GINS3: variants seen among roughly 807,000 people sequenced by gnomAD.
GINS3 encodes GINS complex subunit 3.
In GINS3, 18 loss-of-function variants were observed where a neutral mutation model predicts 20.0. The observed-to-expected ratio is 0.90, with a 90% CI of 0.62 to 1.33. The LOEUF is 1.33. GINS3 is among the 40% of genes most tolerant of loss of function. GINS3 has a pLI of 0.00. For synonymous variants in GINS3, 109 were observed against 107.0 expected (o/e 1.02, Z -0.12); for missense variants, 254 against 273.6 (o/e 0.93, Z 0.51).
At chr16:58,403,362 T>A in intron 2 of GINS3, 31 bp downstream of exon 2, 1 of 1,552,456 alleles carries the variant, frequency 6.4e-7, no homozygotes, top group Non-Finnish European at 8.9e-7. Flanking sequence ...CCTGTGGTGC[T>A]GCACTTGTCT....
intron 1 of GINS3, among the ~76,000 whole-genome samples, chr16:58,399,836 A>G (rs1259475759): frequency 6.6e-6 from 1 of 152,214 alleles, no homozygotes; most frequent in Non-Finnish European, 1.5e-5. Flanking sequence ...AAAGAATGTT[A>G]TATAAGTTAC....
At chr16:58,395,235 C>A in intron 1 of GINS3, 1 of 394,120 alleles carries the variant, frequency 2.5e-6, no homozygotes, top group South Asian at 1.3e-4. Context: ...GCCACCATGT[C>A]CAGCTAATTT....
chr16:58,403,240 A>G lies in GINS3; in HGVS notation c.329A>G (p.His110Arg). The change falls in exon 2 of 3, where the codon CAC becomes CGC. Residue 110 changes from histidine to arginine, a missense_variant. By Grantham distance (29) the His-to-Arg change is conservative. Coordinates refer to ENST00000318129, the MANE Select transcript of GINS3 (RefSeq NM_022770.4). ...FSADPNVVDL[H>R]KMGPHFYGFG... ...GCAGATCCCAATGTGGTGGACCTCC[A>G]CAAAATGGGGCCCCATTTCTACGGG... 6.2e-7 allele frequency: 1 copy of G among 1,614,130 alleles called. No individual in the cohort carries two copies. The highest frequency in any genetic ancestry group is 8.5e-7 in the Non-Finnish European group (1 of 1,180,022).
At chr16:58,399,648 A>T (rs1443124319) in intron 1 of GINS3, among the ~76,000 whole-genome samples, 1 of 151,726 alleles carries the variant, frequency 6.6e-6, no homozygotes, top group Non-Finnish European at 1.5e-5. Flanking sequence ...TTACCTTCTT[A>T]CTATTTTCTT....
At chr16:58,403,552 C>T (rs1965986608) in intron 2 of GINS3, 1 of 521,322 alleles carries the variant, frequency 1.9e-6, no homozygotes, top group Non-Finnish European at 3.4e-6. Flanking sequence ...TGCCACTCCT[C>T]ATATTTGCTT....
At chr16:58,394,207 G>A (rs1247101666) in intron 1 of GINS3, among the ~76,000 whole-genome samples, 2 of 151,882 alleles carry the variant, frequency 1.3e-5, no homozygotes. Flanking sequence ...TGTTTCCTTA[G>A]CCTTCTCTTG....
In GINS3 at chr16:58,403,198, G is replaced by C. The variant is rs1334583313; in HGVS notation, c.287G>C (p.Trp96Ser). ...VELPKIYQEGWRTVFSADPNV... is the reference protein window; with the variant it reads ...VELPKIYQEGSRTVFSADPNV... ...CTCCCCAAGATCTACCAAGAGGGTT[G>C]GAGGACTGTGTTCAGTGCAGATCCC... Residue 96 changes from tryptophan (W) to serine (S), a missense_variant, in exon 2 of 3, where the codon TGG (tryptophan) becomes TCG (serine). Coordinates refer to ENST00000318129, the MANE Select transcript of GINS3 (RefSeq NM_022770.4). The C allele has an allele frequency of 1.9e-6, 3 of 1,614,194 alleles. No homozygotes were observed. Among genetic ancestry groups the C allele is most frequent in the Non-Finnish European group, 1.7e-6 (2 of 1,180,040 alleles).
chr16:58,395,484 GC>G (rs1965841424), intron 1 of GINS3, among the ~76,000 whole-genome samples: 2 of 151,560 alleles, frequency 1.3e-5, no homozygotes, highest in Admixed American at 1.3e-4. Context: ...GCGGCCTTCC[GC>G]AGTGTTTGTG....
chr16:58,397,247 G>A (rs961643213), intron 1 of GINS3, among the ~76,000 whole-genome samples: 13 of 151,518 alleles, frequency 8.6e-5, no homozygotes, highest in African/African-American at 2.9e-4. Context: ...CATCCCAGAC[G>A]GGGCAGCAGG....
rs1434945357 is a variant in GINS3 at position 58,392,758 on chromosome 16, G to A, written c.157G>A (p.Gly53Ser). ...CGCTTTCTTCCTGGAGCGGAGCGCA[G>A]GCGCCGAGACTGACAACGCGGTCCC... ...LGAFFLERSA[G>S]AETDNAVPQG... is the part of the protein sequence containing the mutation. Residue 53 changes from glycine to serine, a missense_variant, in exon 1 of 3, where the codon GGC (glycine) becomes AGC (serine). By Grantham distance (56) the Gly-to-Ser change is moderately conservative. Coordinates refer to ENST00000318129, the MANE Select transcript of GINS3 (RefSeq NM_022770.4). 1.1e-5 allele frequency: 18 copies of A among 1,612,038 alleles called. No homozygotes were observed. The highest frequency in any genetic ancestry group is 1.5e-5 in the Non-Finnish European group (18 of 1,179,664).
intron 1 of GINS3, 130 bp downstream of exon 1, chr16:58,392,917 C>G: frequency 1.0e-6 from 1 of 986,932 alleles, no homozygotes; most frequent in Non-Finnish European, 1.4e-6. Context: ...GGGCCGAAGG[C>G]GCTAACGACT....
At chr16:58,403,667 C>T (rs918550847) in intron 2 of GINS3, 20 of 286,258 alleles carry the variant, frequency 7.0e-5, no homozygotes, top group African/African-American at 4.4e-4. Context: ...GAGGCCAAGG[C>T]AGGAGGATCG....
At position 58,392,511 on chromosome 16, in the gene GINS3, C is replaced by T. The variant is rs1285161918; in HGVS notation, c.-91C>T. 1 of 1,408,544 alleles carries T rather than the reference C, an allele frequency of 7.1e-7. No individual in the cohort carries two copies. The highest frequency in any genetic ancestry group is 1.4e-5 in the African/African-American group (1 of 70,312). The allele number at this position is 1,408,544 out of a possible 1,614,324, so 87.3% of individuals were successfully genotyped here. On this transcript the variant is annotated 5_prime_UTR_variant, in exon 1 of 3. Coordinates refer to ENST00000318129, the MANE Select transcript of GINS3 (RefSeq NM_022770.4). Reference sequence around the variant, plus strand: ...CACTTTCCTGACCCCAACCATCCTGCCCAGTCTCCGCTTCCCCGTCTTGTA... The same window carrying T: ...CACTTTCCTGACCCCAACCATCCTGTCCAGTCTCCGCTTCCCCGTCTTGTA...
intron 1 of GINS3, among the ~76,000 whole-genome samples, chr16:58,400,335 T>G (rs1965938418): frequency 6.6e-6 from 1 of 152,196 alleles, no homozygotes; most frequent in South Asian, 2.1e-4. Context: ...CTCCAGTAAT[T>G]TGAATTCTGA....
intron 2 of GINS3, chr16:58,403,711 C>T (rs1055006531): frequency 4.6e-6 from 1 of 215,582 alleles, no homozygotes; most frequent in Admixed American, 5.2e-5. Flanking sequence ...ACCTGGGCAA[C>T]ATAGTGAGAT....
chr16:58,402,010 A>G (rs1420182896), intron 1 of GINS3, among the ~76,000 whole-genome samples: 1 of 152,106 alleles, frequency 6.6e-6, no homozygotes. Context: ...CTGCCCATCA[A>G]ATTACATGCA....
intron 1 of GINS3, among the ~76,000 whole-genome samples, chr16:58,400,645 C>T (rs1048206262): frequency 6.6e-6 from 1 of 152,194 alleles, no homozygotes; most frequent in African/African-American, 2.4e-5. Flanking sequence ...TGTATCTTTC[C>T]TGCATACTTT....
intron 1 of GINS3, among the ~76,000 whole-genome samples, chr16:58,398,138 A>G (rs1965908355): frequency 6.6e-6 from 1 of 150,480 alleles, no homozygotes. Context: ...TTCTCCCACC[A>G]CACACACACA....
At chr16:58,396,848 C>T (rs1205596866) in intron 1 of GINS3, among the ~76,000 whole-genome samples, 3 of 131,800 alleles carry the variant, frequency 2.3e-5, no homozygotes, top group East Asian at 2.4e-4. Flanking sequence ...CGGGCAGAGG[C>T]GCCCCTCACC....
Sources: gnomAD v4.1 joint callset for allele counts (sites outside exome capture counted in the v4.1 genomes callset) on GRCh38, gnomAD v4.1.1 for gene constraint, MANE v1.5 for transcripts, NCBI Gene and HGNC (gene_info 2026-07-23, HGNC 2026-07-21) for gene names.